Variants in NSDHL observed in about 807,000 individuals in gnomAD.
The protein encoded by NSDHL is NAD(P) dependent 3-beta-hydroxysteroid dehydrogenase NSDHL.
NSDHL carries 1 observed loss-of-function variant against 23.0 expected under a neutral mutation model. That is an observed-to-expected ratio of 0.04 (90% CI 0.02 to 0.21). The LOEUF is 0.21. Among genes scored for constraint, NSDHL ranks in the 10% least tolerant of loss-of-function variants. The pLI is 1.00. For missense variants in NSDHL, 237 were observed against 300.9 expected, an observed-to-expected ratio of 0.79 and a Z score of 1.57; for synonymous variants, 128 against 121.1, an observed-to-expected ratio of 1.06 and a Z score of -0.37.
chrX:152,852,588 C>T (rs1423983357), intron 3 of NSDHL, among the ~76,000 whole-genome samples: 2 of 111,507 alleles, frequency 1.8e-5, no homozygotes, highest in African/African-American at 6.5e-5. Flanking sequence ...AATGTGGCCA[C>T]CACAGTGTAC....
At chrX:152,844,686 C>G (rs1933244495) in intron 1 of NSDHL, among the ~76,000 whole-genome samples, 1 of 112,766 alleles carries the variant, frequency 8.9e-6, no homozygotes, top group African/African-American at 3.2e-5. Flanking sequence ...ACTGAAGCCC[C>G]TGCACCTTAG....
At chrX:152,835,169 G>GA (rs1297491846) in intron 1 of NSDHL, among the ~76,000 whole-genome samples, 1 of 111,118 alleles carries the variant, frequency 9.0e-6, no homozygotes, top group South Asian at 3.8e-4. Context: ...GTGTTTCTTA[G>GA]AAAAAATACA....
At chrX:152,850,751 C>T (rs1414548781) in intron 3 of NSDHL, among the ~76,000 whole-genome samples, 6 of 112,327 alleles carry the variant, frequency 5.3e-5, no homozygotes, top group Non-Finnish European at 9.4e-5. Flanking sequence ...CAAGTGTGTG[C>T]TGGGCCACAG....
intron 1 of NSDHL, among the ~76,000 whole-genome samples, chrX:152,843,181 C>G (rs1556845118): frequency 8.9e-6 from 1 of 112,311 alleles, no homozygotes; most frequent in East Asian, 2.8e-4. Context: ...AGACATGTTT[C>G]TTCTTTGACC....
intron 7 of NSDHL, among the ~76,000 whole-genome samples, chrX:152,868,519 A>G (rs1933647813): frequency 8.9e-6 from 1 of 112,540 alleles, no homozygotes; most frequent in Non-Finnish European, 1.9e-5. Context: ...TATGTAGATG[A>G]GTTTTATGAT....
intron 4 of NSDHL, among the ~76,000 whole-genome samples, chrX:152,862,316 A>T (rs1464815386): frequency 2.7e-5 from 3 of 112,399 alleles, no homozygotes; most frequent in Admixed American, 9.4e-5. Context: ...GATGGGATAG[A>T]AAAAATGTGT....
At chrX:152,862,231 G>T in intron 4 of NSDHL, among the ~76,000 whole-genome samples, 1 of 112,437 alleles carries the variant, frequency 8.9e-6, no homozygotes, top group South Asian at 3.7e-4. Context: ...TTTGCGGGCT[G>T]CCCTTCACTT....
At chrX:152,857,725 TA>T (rs1434000175) in intron 3 of NSDHL, among the ~76,000 whole-genome samples, 2 of 111,926 alleles carry the variant, frequency 1.8e-5, no homozygotes, top group Non-Finnish European at 3.8e-5. Flanking sequence ...AAGAACATCA[TA>T]TCTGTTAAGT....
intron 2 of NSDHL, among the ~76,000 whole-genome samples, chrX:152,847,202 C>T (rs1270519632): frequency 3.6e-5 from 4 of 111,784 alleles, no homozygotes; most frequent in Admixed American, 1.9e-4. Context: ...ACTCAGGAGG[C>T]TGAGGCAGGA....
At chrX:152,861,209 TTA>T in intron 4 of NSDHL, among the ~76,000 whole-genome samples, 1 of 113,105 alleles carries the variant, frequency 8.8e-6, no homozygotes, top group Non-Finnish European at 1.9e-5. Context: ...CACCAGGAAT[TTA>T]TGTTTGCTTA....
At chrX:152,837,075 G>A (rs1320554680) in intron 1 of NSDHL, among the ~76,000 whole-genome samples, 2 of 111,710 alleles carry the variant, frequency 1.8e-5, no homozygotes, top group African/African-American at 6.5e-5. Context: ...ATTGTGAATG[G>A]GAGTTCACTC....
At chrX:152,852,929 A>G (rs2125010091) in intron 3 of NSDHL, among the ~76,000 whole-genome samples, 1 of 109,306 alleles carries the variant, frequency 9.1e-6, no homozygotes, top group South Asian at 4.0e-4. Context: ...ATACCACCTC[A>G]CTCATTTCTC....
intron 3 of NSDHL, among the ~76,000 whole-genome samples, chrX:152,857,081 G>A (rs1447942036): frequency 8.9e-6 from 1 of 112,059 alleles, no homozygotes; most frequent in Non-Finnish European, 1.9e-5. Flanking sequence ...TGGGTCCATA[G>A]AAATACTGAA....
intron 1 of NSDHL, among the ~76,000 whole-genome samples, chrX:152,843,977 A>G (rs782235467): frequency 2.7e-5 from 3 of 111,825 alleles, no homozygotes; most frequent in Non-Finnish European, 5.6e-5. Flanking sequence ...CGTTTCCAGG[A>G]CAGATAGGAC....
chrX:152,838,664 G>A (rs782277697), intron 1 of NSDHL, among the ~76,000 whole-genome samples: 25 of 111,987 alleles, frequency 2.2e-4, no homozygotes, highest in African/African-American at 7.1e-4. Context: ...TCTGAGAGAC[G>A]GTTTGTTGTG....
rs1933489233 is a variant in NSDHL, at chrX:152,859,154, C to T, written c.414+238C>T. Among the ~76,000 whole-genome samples, 5 of 111,922 alleles carry T rather than the reference C, an allele frequency of 4.5e-5. No individual in the cohort carries two copies. The South Asian group carries it at 1.9e-3, about 42-fold the overall frequency. On this transcript the variant is annotated intron_variant, in intron 4 of 7. Transcript: ENST00000370274. ...AAATAGAACATCTGAGGACCTCAAGCCTATTGGCCTTCAGTTAAAGAGCTG... is the reference window on the plus strand; with the variant it reads ...AAATAGAACATCTGAGGACCTCAAGTCTATTGGCCTTCAGTTAAAGAGCTG...
In NSDHL at chrX:152,868,825, A is replaced by G. The variant is rs1427837601; in HGVS notation, c.831A>G (p.Thr277=). The G allele has an allele frequency of 5.0e-6, 6 of 1,209,883 alleles. No homozygotes were observed. Among genetic ancestry groups the G allele is most frequent in the Non-Finnish European group, 6.7e-6 (6 of 894,993 alleles). Residue 277 remains threonine (T), a synonymous_variant, in exon 8 of 8, where the codon ACA becomes ACG. Coordinates refer to ENST00000370274, the MANE Select transcript of NSDHL (RefSeq NM_015922.3). ...ATGATGAGCCCATCCCTTTCTGGACATTCCTGTCTCGCATCCTGACAGGCC... is the reference window on the plus strand; with the variant it reads ...ATGATGAGCCCATCCCTTTCTGGACGTTCCTGTCTCGCATCCTGACAGGCC... ...ITNDEPIPFW[T]FLSRILTGLN...
chrX:152,832,085 C>T (rs188527447), intron 1 of NSDHL, among the ~76,000 whole-genome samples: 15 of 111,155 alleles, frequency 1.3e-4, no homozygotes, highest in Non-Finnish European at 2.8e-4. Context: ...ACTCTTCTCT[C>T]GTCTGGCTCA....
intron 4 of NSDHL, among the ~76,000 whole-genome samples, chrX:152,861,443 C>T (rs964457633): frequency 3.5e-5 from 4 of 112,840 alleles, no homozygotes; most frequent in Admixed American, 9.3e-5. Context: ...CTCAGTGTAC[C>T]GTAGATAAAT....
Sources: gnomAD v4.1 joint callset for allele counts (sites outside exome capture counted in the v4.1 genomes callset) on GRCh38, gnomAD v4.1.1 for gene constraint, MANE v1.5 for transcripts, NCBI Gene and HGNC (gene_info 2026-07-23, HGNC 2026-07-21) for gene names.